The following PLEC variants were observed in gnomAD, a reference collection of about 807,000 sequenced individuals.
PLEC encodes the protein plectin, also known as hemidesmosomal protein 1.
Under a neutral mutation model 392.8 loss-of-function variants are expected in PLEC, and 216 were observed. The ratio of observed to expected loss-of-function variants is 0.55; its 90% CI spans 0.49 to 0.62. The LOEUF is 0.62. PLEC is among the 20% of genes least tolerant of loss of function. The pLI is 0.00. For missense variants in PLEC, 6,863 were observed against 6,563.4 expected (o/e 1.05, Z -1.58); for synonymous variants, 3,621 against 2,980.6 (o/e 1.21, Z -7.00).
At chr8:143,963,641 C>T (rs1832960338) in intron 1 of PLEC, among the ~76,000 whole-genome samples, 1 of 152,042 alleles carries the variant, frequency 6.6e-6, no homozygotes, top group Non-Finnish European at 1.5e-5. Flanking sequence ...TTAGACACAA[C>T]TTCGATGATC....
At chr8:143,931,435 G>C (rs1224137273) in intron 19 of PLEC, 99 bp downstream of exon 19, 4 of 1,309,686 alleles carry the variant, frequency 3.1e-6, no homozygotes, top group Non-Finnish European at 4.3e-6. Flanking sequence ...CCCAACTCCT[G>C]CTGGCCCCTC....
chr8:143,946,789 T>C (rs1564202618), intron 1 of PLEC, among the ~76,000 whole-genome samples: 1 of 119,656 alleles, frequency 8.4e-6, no homozygotes, highest in African/African-American at 3.1e-5. Flanking sequence ...GGCATCCATG[T>C]GCCCAGCGGT....
Position 143,934,439 on chromosome 8 carries a change from C to G in PLEC, c.1048G>C (p.Val350Leu). The change falls in exon 11 of 32, where the codon GTG (valine) becomes CTG (leucine). Residue 350 changes from valine to leucine, a missense_variant. Physicochemically the swap from Val to Leu is conservative, Grantham distance 32. Coordinates refer to ENST00000345136, the MANE Select transcript of PLEC (RefSeq NM_201384.3). ...GGCACCTTGAGCTGGCCTGCTTGCA[C>G]CGCTCCCTGTAGACAGGGGCCACAC... ...KGIYQSLEGA[V>L]QAGQLKVPPG... The G allele has an allele frequency of 1.9e-6, 3 of 1,611,466 alleles. No individual in the cohort carries two copies. The highest frequency in any genetic ancestry group is 2.5e-6 in the Non-Finnish European group (3 of 1,179,866).
rs782599875 is a variant in PLEC at position 143,925,632 on chromosome 8, T to C, written c.4297A>G (p.Ile1433Val). The C allele has an allele frequency of 2.3e-5, 37 of 1,583,334 alleles. No individual in the cohort carries two copies. The highest frequency in any genetic ancestry group is 3.2e-5 in the Non-Finnish European group (37 of 1,172,240). Residue 1433 changes from isoleucine to valine, a missense_variant, in exon 31 of 32, where the codon ATC (isoleucine) becomes GTC (valine). Coordinates refer to ENST00000345136, the MANE Select transcript of PLEC (RefSeq NM_201384.3). ...TCTGCCTGCCGGGCCTTGGCCTGGA[T>C]CTCCGCCTCCGAGCTCTGCCGCAGC... ...QQLRQSSEAE[I>V]QAKARQAEAA...
In PLEC at chr8:143,916,316, C is replaced by A; in HGVS notation, c.13505G>T (p.Arg4502Leu). The change falls in exon 32 of 32, where the codon CGC (arginine) becomes CTC (leucine). Residue 4502 changes from arginine (R) to leucine (L), a missense_variant. Transcript: ENST00000345136. ...GCCGGTGGCGTCAAAGCTGCCGCGG[C>A]GGGAGCCGGCCCGGGAGCCGGTGCG... ...GSRTGSRAGS[R>L]RGSFDATGSG... is the part of the protein sequence containing the mutation. The A allele has an allele frequency of 1.3e-6, 2 of 1,585,562 alleles. No homozygotes were observed. Among genetic ancestry groups the A allele is most frequent in the Non-Finnish European group, 1.7e-6 (2 of 1,168,544 alleles).
chr8:143,950,040 T>A (rs1044245549), intron 1 of PLEC: 1 of 1,102,498 alleles, frequency 9.1e-7, no homozygotes, highest in Non-Finnish European at 1.3e-6. Context: ...GACCCTCGGC[T>A]AGGGGGGGCC....
At chr8:143,966,338 C>A (rs998051737) in intron 1 of PLEC, among the ~76,000 whole-genome samples, 1 of 152,226 alleles carries the variant, frequency 6.6e-6, no homozygotes, top group Non-Finnish European at 1.5e-5. Context: ...GCCTCCCAGC[C>A]TGGCCTCCCC....
At chr8:143,974,658 C>T (rs559942598), upstream of PLEC, among the ~76,000 whole-genome samples, 34 of 152,364 alleles carry the variant, frequency 2.2e-4, no homozygotes, top group African/African-American at 7.7e-4. The surrounding 1 kb of genome is among the most constrained non-coding windows in gnomAD (Gnocchi z 5.9). Context: ...TCCTCCCTCT[C>T]CTAGCACAGC....
intron 18 of PLEC, 109 bp downstream of exon 18, chr8:143,931,828 T>C (rs1827347434): frequency 1.4e-6 from 2 of 1,415,224 alleles, no homozygotes; most frequent in African/African-American, 2.8e-5. Flanking sequence ...AGGCAGCAGC[T>C]GGCAACGTCT....
chr8:143,943,945 C>G, upstream of PLEC: 1 of 1,583,862 alleles, frequency 6.3e-7, no homozygotes, highest in Non-Finnish European at 8.6e-7. Flanking sequence ...ACCGGCTGCT[C>G]CAGGCTAGAC....
At chr8:143,950,732 C>T (rs375611198) in exon 1 of PLEC, 501 of 1,547,254 alleles carry the variant, frequency 3.2e-4, no homozygotes, top group Non-Finnish European at 4.0e-4. Context: ...GCAGTCAGTG[C>T]GGGGGCAAAG....
Position 143,921,118 on chromosome 8 carries a change from G to A in PLEC, c.8703C>T (p.Ala2901=), listed in dbSNP as rs267601823. 4 of 1,612,516 alleles carry A rather than the reference G, an allele frequency of 2.5e-6. No homozygotes were observed. Among genetic ancestry groups the A allele is most frequent in the South Asian group, 1.1e-5 (1 of 91,088 alleles). The change falls in exon 32 of 32, where the codon GCC becomes GCT. Residue 2901 remains alanine (A), a synonymous_variant. Transcript: ENST00000345136. ...CGGTGGCCTTCTCAAAGACGTCCCG[G>A]GCCTCGGAGTCAGTGTAGACCAGCT... The part of the protein sequence containing the change: ...GGELVYTDSE[A]RDVFEKATVS...
chr8:143,922,642 G>A lies in PLEC; in HGVS notation c.7287C>T (p.Thr2429=), dbSNP rs782396069. The change falls in exon 31 of 32, where the codon ACC becomes ACT. Residue 2429 remains threonine, a synonymous_variant. Transcript: ENST00000345136. ...RTELATQEKV[T]LVQTLEIQRQ... is the part of the protein sequence containing the mutation. ...GCTGGATCTCCAGTGTCTGCACCAG[G>A]GTCACCTTCTCCTGGGTGGCGAGCT... 1.9e-6 allele frequency: 3 copies of A among 1,613,550 alleles called. No homozygotes were observed. Among genetic ancestry groups the A allele is most frequent in the South Asian group, 1.1e-5 (1 of 91,026 alleles).
At chr8:143,968,365 T>C (rs1230041399) in intron 1 of PLEC, among the ~76,000 whole-genome samples, 12 of 143,826 alleles carry the variant, frequency 8.3e-5, no homozygotes, top group Admixed American at 6.9e-5. Context: ...AGGCCAGGAG[T>C]TTGAGACCAG....
In PLEC at chr8:143,922,788, C is replaced by T; in HGVS notation, c.7141G>A (p.Glu2381Lys). 2 of 1,597,494 alleles carry T rather than the reference C, an allele frequency of 1.3e-6. No individual in the cohort carries two copies. The highest frequency in any genetic ancestry group is 8.5e-7 in the Non-Finnish European group (1 of 1,175,016). ...ACACGCAGCTTGAGGCGCTCAGCCT[C>T]AGCGCTCATCTCCAGCTGCCGCTGC... Reference protein sequence around the residue: ...ERQRQLEMSAEAERLKLRVAE... With the variant: ...ERQRQLEMSAKAERLKLRVAE... Residue 2381 changes from glutamate (E) to lysine (K), a missense_variant, in exon 31 of 32, where the codon GAG becomes AAG. Glu to Lys is a moderately conservative substitution (Grantham distance 56). Transcript: ENST00000345136.
At chr8:143,938,353 GTC>G (rs1241556187) in intron 2 of PLEC, 113 bp from the exon 3 acceptor site, 2 of 1,536,306 alleles carry the variant, frequency 1.3e-6, no homozygotes, top group East Asian at 2.4e-5. Flanking sequence ...CGGGGGCTGA[GTC>G]TCCCGGGAGC....
Position 143,921,401 on chromosome 8 carries a change from T to A in PLEC, c.8420A>T (p.Glu2807Val). The change falls in exon 32 of 32, where the codon GAG (glutamate) becomes GTG (valine). Residue 2807 changes from glutamate (E) to valine (V), a missense_variant. Physicochemically the swap from Glu to Val is moderately radical, Grantham distance 121. Coordinates refer to ENST00000345136, the MANE Select transcript of PLEC (RefSeq NM_201384.3). ...IVREHGIRLL[E>V]AQIATGGVID... ...AACGCCGCCCGTGGCGATCTGGGCC[T>A]CCAGCAGGCGGATGCCGTGCTCCCG... 2 of 1,613,356 alleles carry A rather than the reference T, an allele frequency of 1.2e-6. No individual in the cohort carries two copies. Among genetic ancestry groups the A allele is most frequent in the African/African-American group, 1.3e-5 (1 of 75,050 alleles).
Position 143,919,014 on chromosome 8 carries a change from G to A in PLEC, c.10807C>T (p.Gln3603Ter). The change falls in exon 32 of 32, where the codon CAG becomes TAG. Residue 3603 changes from glutamine to a stop codon, truncating the protein, a stop_gained. Transcript: ENST00000345136. LOFTEE classifies it high-confidence loss of function. ...CCGGCCTGGAAGTCAGCCATCAGCTGGGCCCGCTGCTCCTCGGGGATCAGG... is the reference window on the plus strand; with the variant it reads ...CCGGCCTGGAAGTCAGCCATCAGCTAGGCCCGCTGCTCCTCGGGGATCAGG... ...SDLIPEEQRA[Q>*]LMADFQAGRV... 6.2e-7 allele frequency: 1 copy of A among 1,611,360 alleles called. No homozygotes were observed. Among genetic ancestry groups the A allele is most frequent in the Non-Finnish European group, 8.5e-7 (1 of 1,180,026 alleles).
chr8:143,967,386 A>G (rs1284941551), intron 1 of PLEC, among the ~76,000 whole-genome samples: 6 of 151,298 alleles, frequency 4.0e-5, no homozygotes, highest in East Asian at 1.9e-4. Flanking sequence ...AAAAAAAAAA[A>G]AAAGAAACAG....
Sources: allele counts gnomAD v4.1 joint callset (sites outside exome capture counted in the v4.1 genomes callset), GRCh38; gene constraint gnomAD v4.1.1; non-coding constraint Gnocchi (gnomAD v3.1); transcripts MANE v1.5; gene names NCBI Gene and HGNC (gene_info 2026-07-23, HGNC 2026-07-21).